Variants in OR51B5 observed in about 807,000 individuals in gnomAD.
OR51B5 encodes the protein olfactory receptor family 51 subfamily B member 5.
For synonymous variants in OR51B5, 186 were observed against 144.8 expected (o/e 1.28, Z -2.04); for missense variants, 456 against 374.6 (o/e 1.22, Z -1.79).
intron 1 of OR51B5, among the ~76,000 whole-genome samples, chr11:5,412,121 A>T (rs10838058): frequency 1.6e-4 from 24 of 152,002 alleles, no homozygotes; most frequent in African/African-American, 5.8e-4. Flanking sequence ...CTCCTCCTCA[A>T]ATTCAAGCTT....
At chr11:5,470,176 G>A (rs1026177624) in intron 1 of OR51B5, among the ~76,000 whole-genome samples, 1 of 152,158 alleles carries the variant, frequency 6.6e-6, no homozygotes, top group African/African-American at 2.4e-5. Context: ...TTGACACTGT[G>A]CAAGTAGAAC....
chr11:5,502,810 T>G (rs1339582158), intron 1 of OR51B5, among the ~76,000 whole-genome samples: 1 of 152,232 alleles, frequency 6.6e-6, no homozygotes, highest in Non-Finnish European at 1.5e-5. Flanking sequence ...GAACAGTGCC[T>G]AGTTTTCCGT....
chr11:5,356,066 T>C (rs765804995), intron 1 of OR51B5, among the ~76,000 whole-genome samples: 2 of 151,812 alleles, frequency 1.3e-5, no homozygotes, highest in Non-Finnish European at 2.9e-5. Context: ...AAAATCAGAG[T>C]GCCTCTCCTC....
At chr11:5,489,212 T>TC (rs766388024) in intron 1 of OR51B5, 27 of 1,613,798 alleles carry the variant, frequency 1.7e-5, no homozygotes, top group Non-Finnish European at 1.0e-5. Flanking sequence ...CTGAGGCGAC[T>TC]CCCCTACTGT....
At chr11:5,436,862 C>A (rs889185510) in intron 1 of OR51B5, among the ~76,000 whole-genome samples, 2 of 150,940 alleles carry the variant, frequency 1.3e-5, no homozygotes, top group South Asian at 2.1e-4. Context: ...CTTGAGGGAG[C>A]TTTGTGAAGT....
chr11:5,426,123 C>A (rs1053516772), intron 1 of OR51B5, among the ~76,000 whole-genome samples: 1 of 152,100 alleles, frequency 6.6e-6, no homozygotes, highest in Non-Finnish European at 1.5e-5. Context: ...AAAAGGCTAA[C>A]AAAATACATG....
chr11:5,375,990 C>A (rs1849521520), intron 1 of OR51B5, among the ~76,000 whole-genome samples: 1 of 151,630 alleles, frequency 6.6e-6, no homozygotes, highest in South Asian at 2.1e-4. Flanking sequence ...CTCTCCACCC[C>A]AAATCAACAG....
At chr11:5,348,083 T>A (rs1013164564), upstream of OR51B5, among the ~76,000 whole-genome samples, 1 of 152,022 alleles carries the variant, frequency 6.6e-6, no homozygotes, top group Non-Finnish European at 1.5e-5. Flanking sequence ...GCTGATTTCT[T>A]AGCAAGAGAA....
At chr11:5,387,972 T>C (rs967059247) in intron 1 of OR51B5, among the ~76,000 whole-genome samples, 2 of 152,166 alleles carry the variant, frequency 1.3e-5, no homozygotes, top group Non-Finnish European at 2.9e-5. Flanking sequence ...GGTGTAAAAG[T>C]AATTGCAGTT....
intron 1 of OR51B5, among the ~76,000 whole-genome samples, chr11:5,387,738 T>A (rs2340317): frequency 0.78 from 118,637 of 151,926 alleles, 46,733 homozygotes; most frequent in Middle Eastern, 0.84. Context: ...TTGAATGTTT[T>A]TCCCTAAGAT....
intron 1 of OR51B5, chr11:5,488,861 T>A (rs1454782978): frequency 6.2e-7 from 1 of 1,613,940 alleles, no homozygotes; most frequent in East Asian, 2.2e-5. Flanking sequence ...ATCCTGGTCA[T>A]TGCCATGGAC....
chr11:5,380,508 T>C (rs1849593115), intron 1 of OR51B5, among the ~76,000 whole-genome samples: 1 of 152,118 alleles, frequency 6.6e-6, no homozygotes, highest in African/African-American at 2.4e-5. Context: ...CAGAGACACC[T>C]AAAAAGAGTC....
intron 1 of OR51B5, among the ~76,000 whole-genome samples, chr11:5,387,782 C>T (rs1471413867): frequency 1.3e-5 from 2 of 152,158 alleles, no homozygotes; most frequent in African/African-American, 4.8e-5. Flanking sequence ...TTGATTTCTT[C>T]TCTAAAATTA....
chr11:5,484,852 T>G (rs1362388326), intron 1 of OR51B5, among the ~76,000 whole-genome samples: 1 of 152,222 alleles, frequency 6.6e-6, no homozygotes, highest in Non-Finnish European at 1.5e-5. Flanking sequence ...TATTTCAAAA[T>G]ATTATTATGG....
At chr11:5,494,475 A>G (rs1287667112) in intron 1 of OR51B5, among the ~76,000 whole-genome samples, 1 of 152,182 alleles carries the variant, frequency 6.6e-6, no homozygotes, top group African/African-American at 2.4e-5. Flanking sequence ...CAGGAACCAT[A>G]CTTTATCTTT....
At chr11:5,477,181 A>G (rs1332559572) in intron 1 of OR51B5, among the ~76,000 whole-genome samples, 1 of 152,202 alleles carries the variant, frequency 6.6e-6, no homozygotes, top group African/African-American at 2.4e-5. Flanking sequence ...CATCAACTGA[A>G]TTTCGTGAGC....
At chr11:5,460,708 T>C (rs1002166360) in intron 1 of OR51B5, among the ~76,000 whole-genome samples, 1 of 152,258 alleles carries the variant, frequency 6.6e-6, no homozygotes, top group Non-Finnish European at 1.5e-5. Flanking sequence ...CGTTGGCTGA[T>C]GTTCCCTTAA....
At chr11:5,417,656 A>T (rs1431548047) in intron 1 of OR51B5, among the ~76,000 whole-genome samples, 1 of 151,856 alleles carries the variant, frequency 6.6e-6, no homozygotes. Flanking sequence ...TTATGCAGCC[A>T]AAAAACACAT....
chr11:5,403,056 G>T, intron 1 of OR51B5: 1 of 471,646 alleles, frequency 2.1e-6, no homozygotes, highest in Admixed American at 2.3e-5. Context: ...TTATCGTACT[G>T]AAAAGCATTA....
Sources: allele counts gnomAD v4.1 joint callset (sites outside exome capture counted in the v4.1 genomes callset), GRCh38; gene constraint gnomAD v4.1.1; transcripts MANE v1.5; gene names NCBI Gene and HGNC (gene_info 2026-07-23, HGNC 2026-07-21).